SLC25A48: variants seen among roughly 807,000 people sequenced by gnomAD.
SLC25A48 encodes solute carrier family 25 member 48.
A neutral mutation model predicts 32.2 loss-of-function variants in SLC25A48; 29 were observed. That is an observed-to-expected ratio of 0.90 (90% CI 0.67 to 1.23). The LOEUF (loss-of-function observed/expected upper bound fraction) is 1.23. Among genes scored for constraint, SLC25A48 ranks in the 50% most tolerant of loss-of-function variants. The pLI, the probability that SLC25A48 is intolerant of heterozygous loss-of-function variation, is 0.00. For missense variants in SLC25A48, 399 were observed against 422.7 expected (o/e 0.94, Z 0.49); for synonymous variants, 164 against 172.3 (o/e 0.95, Z 0.38).
chr5:135,704,756 T>C (rs2126969113), intron 3 of SLC25A48, among the ~76,000 whole-genome samples: 1 of 152,340 alleles, frequency 6.6e-6, no homozygotes, highest in African/African-American at 2.4e-5. Flanking sequence ...CATAACACGT[T>C]AATAAGTCAC....
At chr5:135,678,454 T>G (rs1263992521) in intron 3 of SLC25A48, among the ~76,000 whole-genome samples, 1 of 152,210 alleles carries the variant, frequency 6.6e-6, no homozygotes, top group African/African-American at 2.4e-5. Context: ...ATTTGTATTT[T>G]TTAAAATTCT....
chr5:135,787,025 T>G (rs77146348), intron 3 of SLC25A48, among the ~76,000 whole-genome samples: 3,433 of 152,182 alleles, frequency 0.023, 105 homozygotes, highest in African/African-American at 0.067. Flanking sequence ...CCTAGGGGGA[T>G]GTTACTTTTA....
chr5:135,851,784 A>T (rs1299230510), intron 3 of SLC25A48, among the ~76,000 whole-genome samples: 1 of 151,908 alleles, frequency 6.6e-6, no homozygotes, highest in African/African-American at 2.4e-5. Context: ...GGCCTGTGGA[A>T]TTTTCCGGTT....
rs187009103 is a variant in SLC25A48, at chr5:135,770,092, G to A, written c.-520-42431G>A. On this transcript the variant is annotated intron_variant, in intron 3 of 10. Coordinates refer to the SLC25A48 transcript ENST00000646290. ...GATATTTTTCCTAATAGCCGGGGGG[G>A]AGACAATGATATTATTCCTAATATT... Among the ~76,000 whole-genome samples the A allele has an allele frequency of 5.3e-3, 809 of 151,376 alleles. 3 individuals carry two copies. Among genetic ancestry groups the A allele is most frequent in the Middle Eastern group, 0.017 (5 of 292 alleles).
chr5:135,614,302 A>T (rs1435217831), intron 1 of SLC25A48, among the ~76,000 whole-genome samples: 1 of 152,228 alleles, frequency 6.6e-6, no homozygotes, highest in Non-Finnish European at 1.5e-5. Flanking sequence ...TACTGAATTT[A>T]TCAGACTTAA....
intron 3 of SLC25A48, among the ~76,000 whole-genome samples, chr5:135,776,863 G>A (rs1472553019): frequency 6.6e-6 from 1 of 151,868 alleles, no homozygotes; most frequent in East Asian, 1.9e-4. Context: ...ACAAACCCCT[G>A]TAATGTTGTT....
chr5:135,616,413 T>C (rs1271811709), intron 1 of SLC25A48, among the ~76,000 whole-genome samples: 1 of 152,236 alleles, frequency 6.6e-6, no homozygotes, highest in Non-Finnish European at 1.5e-5. Flanking sequence ...TGCATCAGTG[T>C]AGCCTGGATG....
chr5:135,725,534 T>G (rs2126986671), intron 3 of SLC25A48, among the ~76,000 whole-genome samples: 1 of 152,262 alleles, frequency 6.6e-6, no homozygotes, highest in East Asian at 1.9e-4. Flanking sequence ...CCATTTAGAG[T>G]AAGAGGATTC....
rs187827763 is a variant in SLC25A48, at chr5:135,620,061, C to T, written c.-848-9176C>T. ...TTGTGCCCCTGGGCAGCAGGAGTGG[C>T]ATGAGCGATGGCAATAGCAGTGGTC... On this transcript the variant is annotated intron_variant, in intron 1 of 10. Coordinates refer to the SLC25A48 transcript ENST00000646290. Among the ~76,000 whole-genome samples the T allele has an allele frequency of 3.9e-4, 59 of 152,230 alleles. No individual in the cohort carries two copies. The East Asian group carries it at 7.9e-3, about 20-fold the overall frequency.
intron 3 of SLC25A48, among the ~76,000 whole-genome samples, chr5:135,771,501 A>G (rs1429855321): frequency 6.6e-6 from 1 of 150,680 alleles, no homozygotes; most frequent in Non-Finnish European, 1.5e-5. Flanking sequence ...ATGGTTCGTA[A>G]TATCCAGGAA....
chr5:135,735,574 A>G (rs1268099344), intron 3 of SLC25A48, among the ~76,000 whole-genome samples: 2 of 152,146 alleles, frequency 1.3e-5, no homozygotes, highest in Non-Finnish European at 2.9e-5. Context: ...TAGGCAGGAA[A>G]CCATGTAATC....
At chr5:135,763,274 C>T (rs1309849880) in intron 3 of SLC25A48, among the ~76,000 whole-genome samples, 1 of 152,098 alleles carries the variant, frequency 6.6e-6, no homozygotes, top group Non-Finnish European at 1.5e-5. Flanking sequence ...AGAAATGCTT[C>T]CTAAGGGCCT....
At chr5:135,626,429 G>A (rs1752441925) in intron 1 of SLC25A48, among the ~76,000 whole-genome samples, 1 of 152,196 alleles carries the variant, frequency 6.6e-6, no homozygotes, top group Non-Finnish European at 1.5e-5. Flanking sequence ...GTGAACAGAG[G>A]CTTTTTAATA....
At chr5:135,586,714 A>T (rs1751374615) in intron 1 of SLC25A48, among the ~76,000 whole-genome samples, 1 of 152,168 alleles carries the variant, frequency 6.6e-6, no homozygotes, top group Admixed American at 6.5e-5. Context: ...GGTCAAGGAA[A>T]CTGTAGGATG....
At chr5:135,686,688 G>A (rs1386294802) in intron 3 of SLC25A48, among the ~76,000 whole-genome samples, 2 of 152,164 alleles carry the variant, frequency 1.3e-5, no homozygotes, top group African/African-American at 2.4e-5. Context: ...TTTACTGGAC[G>A]ACAGATGGAT....
chr5:135,622,578 A>G (rs1752349230), intron 1 of SLC25A48, among the ~76,000 whole-genome samples: 1 of 152,210 alleles, frequency 6.6e-6, no homozygotes, highest in African/African-American at 2.4e-5. Context: ...GATATAAGCT[A>G]TATATAGCAT....
intron 1 of SLC25A48, among the ~76,000 whole-genome samples, chr5:135,628,227 C>T (rs926135473): frequency 1.3e-5 from 2 of 152,172 alleles, no homozygotes; most frequent in East Asian, 3.8e-4. Flanking sequence ...CTCTGAATAA[C>T]TGCAAATTTC....
intron 3 of SLC25A48, among the ~76,000 whole-genome samples, chr5:135,762,737 TGCATATGCAAATACAAATTGA>T (rs1756093749): frequency 6.6e-6 from 1 of 152,022 alleles, no homozygotes; most frequent in South Asian, 2.1e-4. Flanking sequence ...TATGAGTGTG[TGCATATGCAAATACAAATTGA>T]GCATGTGTGT....
At chr5:135,887,626 A>G (rs2126851192) in intron 7 of SLC25A48, among the ~76,000 whole-genome samples, 1 of 152,246 alleles carries the variant, frequency 6.6e-6, no homozygotes, top group South Asian at 2.1e-4. Context: ...CCCTGTGGTG[A>G]GAACACCTGG....
Sources: gnomAD v4.1 joint callset for allele counts (sites outside exome capture counted in the v4.1 genomes callset) on GRCh38, gnomAD v4.1.1 for gene constraint, MANE v1.5 for transcripts, NCBI Gene and HGNC (gene_info 2026-07-23, HGNC 2026-07-21) for gene names.